The following GLIS1 variants were observed in gnomAD, a reference collection of about 807,000 sequenced individuals.
The protein encoded by GLIS1 is zinc finger protein GLIS1.
A neutral mutation model predicts 63.8 loss-of-function variants in GLIS1; 24 were observed. The ratio of observed to expected loss-of-function variants is 0.38; its 90% confidence interval spans 0.27 to 0.53. The LOEUF (loss-of-function observed/expected upper bound fraction) is 0.53, where lower values mean the gene tolerates loss of function less well. Ranked by LOEUF, GLIS1 falls within the 20% of genes least tolerant of loss-of-function variation. GLIS1 has a pLI of 0.85. For synonymous variants in GLIS1, 450 were observed against 482.5 expected, an observed-to-expected ratio of 0.93 and a Z score of 0.88; for missense variants, 1,036 against 1,074.1, an observed-to-expected ratio of 0.96 and a Z score of 0.50.
intron 2 of GLIS1, among the ~76,000 whole-genome samples, chr1:53,732,804 A>T (rs1381201711): frequency 1.4e-4 from 1 of 6,996 alleles, no homozygotes; most frequent in Admixed American, 1.5e-3. Context: ...ATCTATATTA[A>T]AAAAAAAAAA....
chr1:53,525,972 G>A (rs559644922), intron 5 of GLIS1, among the ~76,000 whole-genome samples: 4 of 152,254 alleles, frequency 2.6e-5, no homozygotes, highest in South Asian at 4.1e-4. Context: ...CAGGGGACTC[G>A]TGGCTCTAAT....
chr1:53,593,840 T>C (rs1645217573), intron 4 of GLIS1, among the ~76,000 whole-genome samples: 1 of 152,204 alleles, frequency 6.6e-6, no homozygotes, highest in South Asian at 2.1e-4. Context: ...CCGGGCCCTG[T>C]GGCGTGCTAA....
chr1:53,550,960 C>T (rs554832132), intron 4 of GLIS1, among the ~76,000 whole-genome samples: 4 of 152,276 alleles, frequency 2.6e-5, no homozygotes, highest in Admixed American at 6.5e-5. Flanking sequence ...AAGTGATTCT[C>T]CTGCCTCAGC....
At chr1:53,733,383 T>C (rs1476806884) in intron 2 of GLIS1, among the ~76,000 whole-genome samples, 1 of 152,206 alleles carries the variant, frequency 6.6e-6, no homozygotes, top group African/African-American at 2.4e-5. Context: ...TGGAGCAACA[T>C]AGACTATCGA....
intron 4 of GLIS1, among the ~76,000 whole-genome samples, chr1:53,559,208 C>T (rs1306287929): frequency 6.6e-6 from 1 of 152,178 alleles, no homozygotes; most frequent in African/African-American, 2.4e-5. Flanking sequence ...ACTTTGGCTT[C>T]TCTGGGGACA....
chr1:53,594,054 G>A (rs763211371), intron 4 of GLIS1, 54 bp downstream of exon 4: 327 of 1,552,092 alleles, frequency 2.1e-4, no homozygotes, highest in Non-Finnish European at 2.8e-4. Context: ...ACTGGGGTGA[G>A]TGCTGCTCTG....
At chr1:53,579,557 C>T (rs1201683256) in intron 4 of GLIS1, among the ~76,000 whole-genome samples, 1 of 152,226 alleles carries the variant, frequency 6.6e-6, no homozygotes, top group African/African-American at 2.4e-5. Context: ...TGCTTCGAAG[C>T]CATGAGCTGC....
chr1:53,511,900 G>T lies in GLIS1; in HGVS notation c.1884-1873C>A, dbSNP rs1644301780. Among the ~76,000 whole-genome samples the T allele has an allele frequency of 1.3e-5, 2 of 152,200 alleles. No individual in the cohort carries two copies. The highest frequency in any genetic ancestry group is 2.9e-5 in the Non-Finnish European group (2 of 68,038). ...CCCTGGTTTCCTGAAGCCCCTGTAG[G>T]GAGGGCCAGGTCTTGGCCCTTCTCG... On this transcript the variant is annotated intron_variant, in intron 8 of 10. Transcript: ENST00000628545. This position sits in a 1 kb window ranked among gnomAD's most constrained non-coding sequence, Gnocchi z 4.2.
In GLIS1 at chr1:53,539,433, T is replaced by C. The variant is rs1172125907; in HGVS notation, c.1321-9481A>G. On this transcript the variant is annotated intron_variant, in intron 4 of 10. Coordinates refer to ENST00000628545, the MANE Select transcript of GLIS1 (RefSeq NM_001367484.1). The surrounding 1 kb of genome is among the most constrained non-coding windows in gnomAD (Gnocchi z 5.0). ...GAATGCACACCCCACACACACACCA[T>C]ACCACACATCACAGCACACCCCCAA... Among the ~76,000 whole-genome samples, 2 of 146,316 alleles carry C rather than the reference T, an allele frequency of 1.4e-5. No individual in the cohort carries two copies. Among genetic ancestry groups the C allele is most frequent in the African/African-American group, 2.6e-5 (1 of 39,120 alleles).
At chr1:53,698,257 C>T (rs765701500) in intron 2 of GLIS1, among the ~76,000 whole-genome samples, 2 of 152,190 alleles carry the variant, frequency 1.3e-5, no homozygotes, top group Non-Finnish European at 2.9e-5. Context: ...AACATCCCCT[C>T]GGAACGCACT....
intron 4 of GLIS1, among the ~76,000 whole-genome samples, chr1:53,588,568 C>A (rs1645159057): frequency 6.6e-6 from 1 of 152,216 alleles, no homozygotes; most frequent in African/African-American, 2.4e-5. Flanking sequence ...TCATCCATTT[C>A]AGGATCCTGG....
At chr1:53,517,110 A>T (rs898428774) in intron 7 of GLIS1, among the ~76,000 whole-genome samples, 2 of 152,178 alleles carry the variant, frequency 1.3e-5, no homozygotes, top group Non-Finnish European at 2.9e-5. Flanking sequence ...TGACTTGTCC[A>T]AAGTCACAGA....
chr1:53,726,659 G>A (rs771600412), intron 2 of GLIS1, among the ~76,000 whole-genome samples: 5 of 151,874 alleles, frequency 3.3e-5, no homozygotes, highest in Non-Finnish European at 5.9e-5. Flanking sequence ...ACTGACCCAG[G>A]GCCAGGACCT....
rs1646926778 is a variant in GLIS1 at position 53,737,853 on chromosome 1, C to A, written c.212G>T (p.Arg71Leu). The change falls in exon 2 of 11, where the codon CGC becomes CTC. Residue 71 changes from arginine to leucine, a missense_variant. Around this residue, in one of 3 missense-constraint regions of GLIS1, gnomAD observed 592 missense variants for 593.9 expected, o/e 1.00. Coordinates refer to ENST00000628545, the MANE Select transcript of GLIS1 (RefSeq NM_001367484.1). ...PPRAHDLLRP[R>L]SPRDYGPSKA... is the part of the protein sequence containing the mutation. ...GGATGGACCGTAGTCTCGGGGACTG[C>A]GGGGCCGGAGGAGGTCGTGGGCGCG... The A allele has an allele frequency of 8.1e-7, 1 of 1,230,988 alleles. No homozygotes were observed. 76.3% of individuals were successfully genotyped at this position (1,230,988 alleles called of 1,614,324 possible).
intron 2 of GLIS1, among the ~76,000 whole-genome samples, chr1:53,730,585 A>G (rs1412767894): frequency 6.6e-6 from 1 of 152,230 alleles, no homozygotes. Context: ...TGGTTGCTAA[A>G]AAGACACAAA....
chr1:53,580,211 G>T (rs1275786987), intron 4 of GLIS1, among the ~76,000 whole-genome samples: 1 of 152,140 alleles, frequency 6.6e-6, no homozygotes, highest in Non-Finnish European at 1.5e-5. Context: ...GTAGAGCCAT[G>T]AGCCGCAGAG....
chr1:53,541,631 A>G (rs1297445860), intron 4 of GLIS1, among the ~76,000 whole-genome samples: 1 of 152,222 alleles, frequency 6.6e-6, no homozygotes, highest in African/African-American at 2.4e-5. Flanking sequence ...GGTGAATTGC[A>G]GTGGGAAACC....
At chr1:53,647,442 G>A (rs925494617) in intron 2 of GLIS1, among the ~76,000 whole-genome samples, 1 of 152,184 alleles carries the variant, frequency 6.6e-6, no homozygotes, top group African/African-American at 2.4e-5. Context: ...AGAAAAGTGG[G>A]GGAAGGACAA....
chr1:53,634,743 T>C (rs1466485233), intron 2 of GLIS1, among the ~76,000 whole-genome samples: 1 of 152,152 alleles, frequency 6.6e-6, no homozygotes, highest in Non-Finnish European at 1.5e-5. Flanking sequence ...AGCAAGCACC[T>C]GCGAGGCCAC....
Sources: allele counts gnomAD v4.1 joint callset (sites outside exome capture counted in the v4.1 genomes callset), GRCh38; gene constraint gnomAD v4.1.1; regional missense constraint gnomAD v4.1.1; non-coding constraint Gnocchi (gnomAD v3.1); transcripts MANE v1.5; gene names NCBI Gene and HGNC (gene_info 2026-07-23, HGNC 2026-07-21).